Variants in CNGA3 observed in about 807,000 individuals in gnomAD.
The protein encoded by CNGA3 is cyclic nucleotide-gated channel alpha-3.
Under a neutral mutation model 46.6 loss-of-function variants are expected in CNGA3, and 42 were observed. That is an observed-to-expected ratio of 0.90 (90% confidence interval 0.70 to 1.17). The LOEUF (loss-of-function observed/expected upper bound fraction) is 1.17, where lower values mean the gene tolerates loss of function less well. CNGA3 is among the 50% of genes most tolerant of loss of function. CNGA3 has a pLI of 0.00. For synonymous variants in CNGA3, 394 were observed against 369.4 expected (o/e 1.07, Z -0.76); for missense variants, 893 against 890.7 (o/e 1.00, Z -0.03).
chr2:98,366,449 G>C (rs1184675991), intron 1 of CNGA3, among the ~76,000 whole-genome samples: 1 of 152,212 alleles, frequency 6.6e-6, no homozygotes, highest in Non-Finnish European at 1.5e-5. Context: ...TGCACTTGCG[G>C]GGGATCCCAC....
chr2:98,366,365 C>T (rs1476133683), intron 1 of CNGA3, among the ~76,000 whole-genome samples: 2 of 152,214 alleles, frequency 1.3e-5, no homozygotes, highest in Non-Finnish European at 2.9e-5. Flanking sequence ...AGGGGTCTCA[C>T]CCAGTCAGGA....
intron 6 of CNGA3, among the ~76,000 whole-genome samples, chr2:98,390,051 A>G (rs1692749262): frequency 6.6e-6 from 1 of 152,164 alleles, no homozygotes. Flanking sequence ...AGGAGGATGC[A>G]GGGGCGGTTG....
At chr2:98,394,874 T>C (rs971249902) in intron 7 of CNGA3, among the ~76,000 whole-genome samples, 12 of 152,248 alleles carry the variant, frequency 7.9e-5, no homozygotes, top group African/African-American at 2.9e-4. Flanking sequence ...AAATGTAGTT[T>C]GCATAATTTA....
chr2:98,371,086 A>C (rs761064575), intron 2 of CNGA3, among the ~76,000 whole-genome samples: 1 of 152,092 alleles, frequency 6.6e-6, no homozygotes, highest in Non-Finnish European at 1.5e-5. Flanking sequence ...CAGCCTCCCA[A>C]AGTGCTGGGA....
intron 1 of CNGA3, among the ~76,000 whole-genome samples, chr2:98,361,646 A>G (rs1231009493): frequency 6.6e-6 from 1 of 151,368 alleles, no homozygotes. Flanking sequence ...ACTCCCACCA[A>G]CAGTGTAAAA....
At chr2:98,365,587 A>T (rs1302981419) in intron 1 of CNGA3, among the ~76,000 whole-genome samples, 5 of 100,084 alleles carry the variant, frequency 5.0e-5, no homozygotes, top group Middle Eastern at 0.011. Context: ...TGTAGTTCTC[A>T]GAGGTTTTGT....
chr2:98,392,726 G>A (rs955732034), intron 7 of CNGA3, among the ~76,000 whole-genome samples: 2 of 152,154 alleles, frequency 1.3e-5, no homozygotes, highest in African/African-American at 4.8e-5. Flanking sequence ...TGGACAGTCA[G>A]CAGATACAGG....
rs112829293 is a variant in CNGA3, at chr2:98,394,446, A to G, written c.674-1398A>G. On this transcript the variant is annotated intron_variant, in intron 7 of 7. Transcript: ENST00000272602. ...GCCCCATTGCTGACTGGTGAAATCA[A>G]TTTGGGAGGCCATGGCCTGTGTTTT... is the stretch of plus-strand genomic sequence containing the variant. Among the ~76,000 whole-genome samples, 1,234 of 152,288 alleles carry G rather than the reference A, an allele frequency of 8.1e-3. 23 individuals carry two copies. Among genetic ancestry groups the G allele is most frequent in the African/African-American group, 0.028 (1,165 of 41,538 alleles).
intron 5 of CNGA3, among the ~76,000 whole-genome samples, chr2:98,389,428 G>A (rs140517746): frequency 7.2e-5 from 11 of 152,272 alleles, no homozygotes; most frequent in South Asian, 2.1e-4. Flanking sequence ...ATAGTCGACC[G>A]TGACCTCCTG....
rs1692927567 is a variant in CNGA3 at position 98,396,758 on chromosome 2, G to T, written c.1588G>T (p.Val530Leu). Reference protein sequence around the residue: ...YIINEGKLAVVADDGVTQFVV... With the variant: ...YIINEGKLAVLADDGVTQFVV... Reference sequence around the variant, plus strand: ...CATCAACGAGGGCAAGCTGGCCGTGGTGGCTGATGATGGGGTCACCCAGTT... The same window carrying T: ...CATCAACGAGGGCAAGCTGGCCGTGTTGGCTGATGATGGGGTCACCCAGTT... The change falls in exon 8 of 8, where the codon GTG becomes TTG. Residue 530 changes from valine (V) to leucine (L), a missense_variant. By Grantham distance (32) the Val-to-Leu change is conservative. Transcript: ENST00000272602. 1 of 1,614,094 alleles carries T rather than the reference G, an allele frequency of 6.2e-7. No individual in the cohort carries two copies. The highest frequency in any genetic ancestry group is 1.1e-5 in the South Asian group (1 of 91,082).
intron 6 of CNGA3, among the ~76,000 whole-genome samples, chr2:98,391,563 G>A (rs893548374): frequency 6.6e-6 from 1 of 152,236 alleles, no homozygotes; most frequent in African/African-American, 2.4e-5. Flanking sequence ...GACTCTGCCA[G>A]TGTGGCCTGG....
chr2:98,348,609 C>T (rs1377791545), intron 1 of CNGA3, among the ~76,000 whole-genome samples: 2 of 152,224 alleles, frequency 1.3e-5, no homozygotes, highest in African/African-American at 4.8e-5. Flanking sequence ...GAAACCCCTG[C>T]TAATCCCCCA....
Position 98,380,252 on chromosome 2 carries a change from T to C in CNGA3, c.293T>C (p.Phe98Ser). The change falls in exon 4 of 8, where the codon TTT becomes TCT. Residue 98 changes from phenylalanine (F) to serine (S), a missense_variant. Physicochemically the swap from Phe to Ser is radical, Grantham distance 155. This residue lies in a region of CNGA3 where 333 missense variants were observed against 290.8 expected (regional missense o/e 1.15). Transcript: ENST00000272602. ...VHHQDQGPDS[F>S]PDRFRGAELK... ...CACCAGGACCAGGGACCGGACTCTT[T>C]TCCTGATCGTTTCCGTGGAGCCGAG... 6.2e-7 allele frequency: 1 copy of C among 1,614,202 alleles called. No individual in the cohort carries two copies. Among genetic ancestry groups the C allele is most frequent in the East Asian group, 2.2e-5 (1 of 44,880 alleles).
chr2:98,359,416 G>C (rs1691971747), intron 1 of CNGA3, among the ~76,000 whole-genome samples: 1 of 152,234 alleles, frequency 6.6e-6, no homozygotes, highest in South Asian at 2.1e-4. Context: ...CATAGCAATG[G>C]CTGGACTGAA....
chr2:98,362,302 C>T (rs1692053590), intron 1 of CNGA3, among the ~76,000 whole-genome samples: 1 of 151,234 alleles, frequency 6.6e-6, no homozygotes, highest in Non-Finnish European at 1.5e-5. Context: ...ACCTCAGCCT[C>T]CCGAGTAGCT....
chr2:98,373,846 G>A (rs183167385), intron 2 of CNGA3, among the ~76,000 whole-genome samples: 4 of 152,282 alleles, frequency 2.6e-5, no homozygotes, highest in Admixed American at 6.5e-5. Context: ...TTTGGGGCAC[G>A]GGGGTTTGTG....
At chr2:98,395,476 CACTTTTTGATTT>C (rs1692889877) in intron 7 of CNGA3, among the ~76,000 whole-genome samples, 1 of 152,168 alleles carries the variant, frequency 6.6e-6, no homozygotes, top group Non-Finnish European at 1.5e-5. Flanking sequence ...GGCCCTCTGT[CACTTTTTGATTT>C]ACAACATGTA....
chr2:98,372,951 A>C (rs988891082), intron 2 of CNGA3, among the ~76,000 whole-genome samples: 1 of 152,236 alleles, frequency 6.6e-6, no homozygotes, highest in African/African-American at 2.4e-5. Context: ...TTAATACAGT[A>C]TCCCGTGGAA....
At chr2:98,395,386 T>C (rs1230520437) in intron 7 of CNGA3, among the ~76,000 whole-genome samples, 1 of 152,166 alleles carries the variant, frequency 6.6e-6, no homozygotes, top group Non-Finnish European at 1.5e-5. Context: ...CCCAGGCTGG[T>C]CTCAAACCCT....
Sources: allele counts gnomAD v4.1 joint callset (sites outside exome capture counted in the v4.1 genomes callset), GRCh38; gene constraint gnomAD v4.1.1; regional missense constraint gnomAD v4.1.1; transcripts MANE v1.5; gene names NCBI Gene and HGNC (gene_info 2026-07-23, HGNC 2026-07-21).